The following SETD3 variants were observed in gnomAD, a reference collection of about 807,000 sequenced individuals.
SETD3 encodes the protein SET domain containing 3, actin N3(tau)-histidine methyltransferase, also known as actin-histidine N-methyltransferase.
SETD3 carries 19 observed loss-of-function variants against 63.0 expected under a neutral mutation model. That is an observed-to-expected ratio of 0.30 (90% CI 0.21 to 0.44). The LOEUF is 0.44. SETD3 is among the 20% of genes least tolerant of loss of function. The pLI is 1.00. For missense variants in SETD3, 587 were observed against 728.5 expected (o/e 0.81, Z 2.24); for synonymous variants, 286 against 264.1 (o/e 1.08, Z -0.80).
At chr14:99,431,566 A>C (rs973126748) in intron 6 of SETD3, among the ~76,000 whole-genome samples, 1 of 151,614 alleles carries the variant, frequency 6.6e-6, no homozygotes, top group Non-Finnish European at 1.5e-5. Context: ...ATCTCAGCTC[A>C]CTGCAACCTC....
intron 3 of SETD3, 121 bp from the exon 4 acceptor site, chr14:99,461,461 T>C (rs553043268): frequency 6.1e-6 from 6 of 984,316 alleles, no homozygotes; most frequent in African/African-American, 1.6e-5. Context: ...CACGCCAATC[T>C]TGAAATCAAA....
In SETD3 at chr14:99,475,371, G is replaced by C. The variant is rs187221225; in HGVS notation, c.-9+5357C>G. On this transcript the variant is annotated intron_variant, in intron 1 of 12. Coordinates refer to ENST00000331768, the MANE Select transcript of SETD3 (RefSeq NM_032233.3). ...ATAAGACAGGCAGGACAGAGAGAGC[G>C]TGTTATTCCTGATTAACAAACACAG... 5.5e-4 allele frequency among the ~76,000 whole-genome samples: 84 copies of C among 152,348 alleles called. 1 individual carries two copies. The highest frequency in any genetic ancestry group is 3.9e-3 in the Admixed American group (60 of 15,304).
At chr14:99,428,737 T>C (rs967476699) in intron 6 of SETD3, among the ~76,000 whole-genome samples, 1 of 152,142 alleles carries the variant, frequency 6.6e-6, no homozygotes, top group South Asian at 2.1e-4. Flanking sequence ...ATAAAATCTA[T>C]GGGCCTGATG....
intron 6 of SETD3, among the ~76,000 whole-genome samples, chr14:99,434,940 TAA>T (rs911286320): frequency 6.7e-6 from 1 of 148,900 alleles, no homozygotes; most frequent in African/African-American, 2.5e-5. Context: ...TTTAAAAAAT[TAA>T]AAGTTGACAG....
intron 9 of SETD3, 102 bp from the exon 10 acceptor site, chr14:99,405,473 A>T: frequency 8.0e-7 from 1 of 1,243,190 alleles, no homozygotes; most frequent in Non-Finnish European, 1.1e-6. Flanking sequence ...ACATTTAGAC[A>T]CTAAATAGCT....
intron 1 of SETD3, among the ~76,000 whole-genome samples, chr14:99,480,237 G>C (rs1896208773): frequency 2.0e-5 from 3 of 152,112 alleles, no homozygotes; most frequent in Non-Finnish European, 2.9e-5. Context: ...CCCGAGCAGC[G>C]GGGTGACGGG....
chr14:99,474,594 G>A (rs1288932176), intron 1 of SETD3, among the ~76,000 whole-genome samples: 1 of 152,210 alleles, frequency 6.6e-6, no homozygotes, highest in African/African-American at 2.4e-5. Context: ...GCCAGGCACA[G>A]TGGCTCATGC....
At chr14:99,460,141 G>A (rs1240648974) in intron 4 of SETD3, among the ~76,000 whole-genome samples, 1 of 145,192 alleles carries the variant, frequency 6.9e-6, no homozygotes, top group Non-Finnish European at 1.5e-5. Context: ...TAGATTATAA[G>A]CATCATGAAG....
chr14:99,445,842 A>G (rs914003825), intron 6 of SETD3, among the ~76,000 whole-genome samples: 5 of 152,330 alleles, frequency 3.3e-5, no homozygotes, highest in Admixed American at 3.3e-4. Flanking sequence ...CTACTCAGGG[A>G]AGATCTTAGG....
intron 6 of SETD3, among the ~76,000 whole-genome samples, chr14:99,447,831 C>G (rs990916446): frequency 2.6e-5 from 4 of 152,128 alleles, no homozygotes; most frequent in African/African-American, 9.7e-5. Flanking sequence ...CCTCTAAGAA[C>G]GAGTATCTTT....
At chr14:99,414,593 C>T (rs1892190669) in intron 6 of SETD3, among the ~76,000 whole-genome samples, 1 of 152,210 alleles carries the variant, frequency 6.6e-6, no homozygotes, top group East Asian at 1.9e-4. Flanking sequence ...AATTTTACTT[C>T]TTTCCTGGAC....
chr14:99,410,190 G>A (rs1157085823), intron 8 of SETD3: 2 of 1,613,336 alleles, frequency 1.2e-6, no homozygotes, highest in South Asian at 2.2e-5. Flanking sequence ...AGAGGCGACA[G>A]CAAGAGCGAA....
intron 1 of SETD3, among the ~76,000 whole-genome samples, chr14:99,474,957 T>C (rs1407134296): frequency 2.0e-5 from 3 of 152,226 alleles, no homozygotes; most frequent in Non-Finnish European, 4.4e-5. Flanking sequence ...CATTACATAG[T>C]AGGTTTTAGT....
At chr14:99,407,872 C>T (rs978685157) in intron 8 of SETD3, among the ~76,000 whole-genome samples, 4 of 152,206 alleles carry the variant, frequency 2.6e-5, no homozygotes, top group Non-Finnish European at 5.9e-5. Context: ...CACACAGAAC[C>T]TAAAACCTGA....
intron 6 of SETD3, among the ~76,000 whole-genome samples, chr14:99,430,115 T>C (rs1035392140): frequency 2.0e-5 from 3 of 152,230 alleles, no homozygotes; most frequent in Admixed American, 6.5e-5. Flanking sequence ...AGGTGACTTA[T>C]GCTCACTCGA....
chr14:99,419,599 C>A (rs1219061384), intron 6 of SETD3, among the ~76,000 whole-genome samples: 1 of 151,782 alleles, frequency 6.6e-6, no homozygotes, highest in Non-Finnish European at 1.5e-5. Flanking sequence ...AACGGTGAAA[C>A]CCCGTCTCTA....
chr14:99,428,429 G>A (rs1392890716), intron 6 of SETD3, among the ~76,000 whole-genome samples: 4 of 152,208 alleles, frequency 2.6e-5, no homozygotes, highest in Non-Finnish European at 5.9e-5. Context: ...CAGATCACTT[G>A]AGGTGAGGAA....
intron 6 of SETD3, among the ~76,000 whole-genome samples, chr14:99,454,768 GT>G (rs5810952): frequency 0.92 from 140,253 of 152,126 alleles, 65,754 homozygotes; most frequent in East Asian, 1. Flanking sequence ...ACAGTTCTAA[GT>G]GGTGCTGCAG....
chr14:99,479,442 G>A (rs1049625083), intron 1 of SETD3, among the ~76,000 whole-genome samples: 19 of 152,228 alleles, frequency 1.2e-4, no homozygotes, highest in African/African-American at 3.1e-4. Context: ...GTTCAAGCAA[G>A]TCTTGGCAAA....
Sources: gnomAD v4.1 joint callset for allele counts (sites outside exome capture counted in the v4.1 genomes callset) on GRCh38, gnomAD v4.1.1 for gene constraint, MANE v1.5 for transcripts, NCBI Gene and HGNC (gene_info 2026-07-23, HGNC 2026-07-21) for gene names.